Variants in PDCD4 observed in about 807,000 individuals in gnomAD.
PDCD4 encodes the protein programmed cell death 4.
PDCD4 carries 56 observed loss-of-function variants against 54.0 expected under a neutral mutation model. That is an observed-to-expected ratio of 1.04 (90% CI 0.84 to 1.30). The LOEUF (loss-of-function observed/expected upper bound fraction) is 1.30, where lower values mean the gene tolerates loss of function less well. PDCD4 is among the 50% of genes most tolerant of loss of function. The pLI, the probability that PDCD4 is intolerant of heterozygous loss-of-function variation, is 0.00. For missense variants in PDCD4, 584 were observed against 559.8 expected (o/e 1.04, Z -0.44); for synonymous variants, 186 against 194.8 (o/e 0.95, Z 0.37).
rs763246128 is a variant in PDCD4, at chr10:110,899,480, A to G, written c.*1392A>G. ...TGTAATTAAAAGCTTAGCTGACTAC[A>G]GAATAGGTGAGGGTTTCTTAAAAAT... On this transcript the variant is annotated 3_prime_UTR_variant, in exon 12 of 12. Transcript: ENST00000280154. 2.6e-5 allele frequency: 4 copies of G among 152,228 alleles called. No homozygotes were observed. The highest frequency in any genetic ancestry group is 4.8e-5 in the African/African-American group (2 of 41,466). 9.4% of individuals were successfully genotyped at this position (152,228 alleles called of 1,614,324 possible).
At chr10:110,886,854 T>C (rs1845676660) in intron 5 of PDCD4, among the ~76,000 whole-genome samples, 1 of 152,184 alleles carries the variant, frequency 6.6e-6, no homozygotes, top group Non-Finnish European at 1.5e-5. Context: ...CTTAAACCAA[T>C]AATCCCATTT....
chr10:110,885,453 T>G, intron 5 of PDCD4, 87 bp downstream of exon 5: 1 of 581,288 alleles, frequency 1.7e-6, no homozygotes, highest in Non-Finnish European at 3.1e-6. Context: ...TGATCTTGGG[T>G]CACTGAATAA....
At chr10:110,893,337 G>T (rs1319252561) in intron 8 of PDCD4, among the ~76,000 whole-genome samples, 1 of 150,754 alleles carries the variant, frequency 6.6e-6, no homozygotes, top group Non-Finnish European at 1.5e-5. Flanking sequence ...AAGTTGGAAG[G>T]ATACTTAAAT....
Position 110,894,187 on chromosome 10 carries a change from C to G in PDCD4, c.1087C>G (p.Leu363Val). Residue 363 changes from leucine to valine, a missense_variant, in exon 9 of 12, where the codon CTT becomes GTT. Leu to Val is a conservative substitution (Grantham distance 32). Transcript: ENST00000280154. ...GGAAGTACCTCATTTTCACCATGAG[C>G]TTGTATATGAAGTAAGATTACCTTG... Reference protein sequence around the residue: ...ELEVPHFHHELVYEAIIMVLE... With the variant: ...ELEVPHFHHEVVYEAIIMVLE... 1 of 1,571,012 alleles carries G rather than the reference C, an allele frequency of 6.4e-7. No individual in the cohort carries two copies. Among genetic ancestry groups the G allele is most frequent in the Non-Finnish European group, 8.8e-7 (1 of 1,141,176 alleles).
At chr10:110,888,881 TA>T (rs1345013789) in intron 6 of PDCD4, among the ~76,000 whole-genome samples, 1 of 152,160 alleles carries the variant, frequency 6.6e-6, no homozygotes, top group Non-Finnish European at 1.5e-5. Context: ...CTCCACAAGA[TA>T]AATTCCTTTG....
chr10:110,872,684 C>T (rs1045160614), intron 1 of PDCD4, among the ~76,000 whole-genome samples: 1 of 152,228 alleles, frequency 6.6e-6, no homozygotes, highest in African/African-American at 2.4e-5. Flanking sequence ...CCCGCCGCCC[C>T]ATCCCTGCGC....
rs997238456 is a variant in PDCD4, at chr10:110,896,090, A to T, written c.1349+3A>T. ...CTCAGAGATCTTTGTCCTTCAAGGT[A>T]CTTTATTTAAATACTACTTTCTCAA... On this transcript the variant is annotated splice_donor_region_variant and intron_variant, in intron 11 of 11. Transcript: ENST00000280154. 1.3e-6 allele frequency: 2 copies of T among 1,586,166 alleles called. No homozygotes were observed. Among genetic ancestry groups the T allele is most frequent in the South Asian group, 1.1e-5 (1 of 87,164 alleles).
intron 2 of PDCD4, among the ~76,000 whole-genome samples, chr10:110,877,910 G>A (rs984445155): frequency 5.9e-5 from 9 of 152,140 alleles, no homozygotes; most frequent in African/African-American, 2.2e-4. Context: ...TGTGTGTTAA[G>A]TCTGTGAAGC....
rs535870892 is a variant in PDCD4, at chr10:110,899,444, C to T, written c.*1356C>T. 2 of 152,108 alleles carry T rather than the reference C, an allele frequency of 1.3e-5. No homozygotes were observed. Among genetic ancestry groups the T allele is most frequent in the Middle Eastern group, 3.2e-3 (1 of 316 alleles). 9.4% of individuals were successfully genotyped at this position (152,108 alleles called of 1,614,324 possible). A position where few individuals can be genotyped will look rare whatever the true frequency, so the allele number is the denominator to read the frequency against. On this transcript the variant is annotated 3_prime_UTR_variant, in exon 12 of 12. Transcript: ENST00000280154. ...AATGCAGTCATTTTATTCTCAAGTG[C>T]TTAAAATTAATGTAATTAAAAGCTT...
intron 1 of PDCD4, among the ~76,000 whole-genome samples, chr10:110,873,695 G>A (rs1158565292): frequency 6.6e-6 from 1 of 152,024 alleles, no homozygotes; most frequent in Non-Finnish European, 1.5e-5. Context: ...TAAATAAATT[G>A]GAAAAAATCC....
intron 3 of PDCD4, among the ~76,000 whole-genome samples, chr10:110,882,197 A>G (rs1451221863): frequency 6.6e-6 from 1 of 152,228 alleles, no homozygotes; most frequent in Non-Finnish European, 1.5e-5. Flanking sequence ...ATGCCTCTGC[A>G]ATCATGTTTT....
intron 4 of PDCD4, 79 bp from the exon 5 acceptor site, chr10:110,885,174 A>AAT: frequency 1.4e-6 from 1 of 692,056 alleles, no homozygotes; most frequent in Non-Finnish European, 2.6e-6. Context: ...AACCACTTAG[A>AAT]ATATAAAATT....
intron 8 of PDCD4, 56 bp downstream of exon 8, chr10:110,890,726 A>T: frequency 9.0e-7 from 1 of 1,109,924 alleles, no homozygotes; most frequent in Non-Finnish European, 1.3e-6. Context: ...TGAGTGAAAT[A>T]AATTGTGGCT....
intron 1 of PDCD4, among the ~76,000 whole-genome samples, chr10:110,872,451 T>A (rs1845427885): frequency 1.3e-5 from 2 of 152,200 alleles, no homozygotes; most frequent in Middle Eastern, 3.4e-3. Flanking sequence ...ATTCGCGCCC[T>A]CCCCGCCCCC....
intron 10 of PDCD4, among the ~76,000 whole-genome samples, chr10:110,894,834 TTAAC>T (rs934230509): frequency 3.9e-5 from 6 of 152,034 alleles, no homozygotes; most frequent in Admixed American, 1.3e-4. Flanking sequence ...ACATGAACCT[TTAAC>T]TTTTAACAAA....
intron 1 of PDCD4, among the ~76,000 whole-genome samples, chr10:110,873,997 G>A (rs1006651073): frequency 6.6e-6 from 1 of 152,156 alleles, no homozygotes; most frequent in African/African-American, 2.4e-5. Flanking sequence ...GTTTTAAGAA[G>A]CTTCTGTTAA....
At position 110,889,544 on chromosome 10, in the gene PDCD4, G is replaced by A. The variant is rs1432974899; in HGVS notation, c.789G>A (p.Gln263=). The change falls in exon 7 of 12, where the codon CAG becomes CAA. Residue 263 remains glutamine (Q), a synonymous_variant. Transcript: ENST00000280154. ...TTTCCTTTTTACAGTTGGTGGGCCA[G>A]TTTATTGCTAGAGCTGTTGGAGATG... ...DTPRAPQLVG[Q]FIARAVGDGI... is the part of the protein sequence containing the mutation. The A allele has an allele frequency of 3.8e-6, 6 of 1,595,290 alleles. No individual in the cohort carries two copies. In the African/African-American group the frequency reaches 8.1e-5, roughly 22 times the overall value.
In PDCD4 at chr10:110,876,063, C is replaced by A; in HGVS notation, c.36C>A (p.Asn12Lys). ...DVENEQILNVNPADPDNLSDS... is the reference protein window; with the variant it reads ...DVENEQILNVKPADPDNLSDS... ...AAAATGAGCAGATACTGAATGTAAACCCTGCAGGTAAGTAAGGATATCCTT... is the reference window on the plus strand; with the variant it reads ...AAAATGAGCAGATACTGAATGTAAAACCTGCAGGTAAGTAAGGATATCCTT... The change falls in exon 2 of 12, where the codon AAC becomes AAA. Residue 12 changes from asparagine to lysine, a missense_variant. Asn to Lys is a moderately conservative substitution (Grantham distance 94, BLOSUM62 0). Coordinates refer to ENST00000280154, the MANE Select transcript of PDCD4 (RefSeq NM_014456.5). The A allele has an allele frequency of 6.2e-7, 1 of 1,609,038 alleles. No homozygotes were observed. The highest frequency in any genetic ancestry group is 8.5e-7 in the Non-Finnish European group (1 of 1,177,138).
intron 4 of PDCD4, chr10:110,884,959 A>G (rs573169636): frequency 6.1e-5 from 12 of 195,748 alleles, no homozygotes; most frequent in Non-Finnish European, 9.3e-5. Context: ...ATGTCTGGCT[A>G]ATTTTTAAAA....
Sources: gnomAD v4.1 joint callset for allele counts (sites outside exome capture counted in the v4.1 genomes callset) on GRCh38, gnomAD v4.1.1 for gene constraint, MANE v1.5 for transcripts, NCBI Gene and HGNC (gene_info 2026-07-23, HGNC 2026-07-21) for gene names.